SMARCA2: variants seen among roughly 807,000 people sequenced by gnomAD.
SMARCA2 encodes the protein SWI/SNF related BAF chromatin remodeling complex subunit ATPase 2.
Under a neutral mutation model 199.8 loss-of-function variants are expected in SMARCA2, and 61 were observed. The observed-to-expected ratio is 0.31, with a 90% CI of 0.25 to 0.38. The LOEUF (loss-of-function observed/expected upper bound fraction) is 0.38. SMARCA2 is among the 10% of genes least tolerant of loss of function. The probability of loss-of-function intolerance (pLI) is 1.00; values close to 1 mark genes in which losing one functional copy is unlikely to be tolerated. For missense variants in SMARCA2, 1,344 were observed against 2,012.2 expected, an observed-to-expected ratio of 0.67 and a Z score of 6.35; for synonymous variants, 935 against 732.0, an observed-to-expected ratio of 1.28 and a Z score of -4.48.
chr9:2,127,196 G>A (rs898211394), intron 27 of SMARCA2, among the ~76,000 whole-genome samples: 4 of 152,070 alleles, frequency 2.6e-5, no homozygotes, highest in African/African-American at 9.7e-5. Flanking sequence ...CAGTTTCCTA[G>A]TATTCTCGGT....
At chr9:2,122,077 T>C (rs899402608) in intron 26 of SMARCA2, among the ~76,000 whole-genome samples, 4 of 152,232 alleles carry the variant, frequency 2.6e-5, no homozygotes, top group Admixed American at 2.0e-4. Flanking sequence ...ATTAAGACTT[T>C]AAGCTTATCT....
intron 31 of SMARCA2, among the ~76,000 whole-genome samples, chr9:2,184,258 G>T (rs7042986): frequency 0.68 from 104,017 of 151,882 alleles, 35,826 homozygotes; most frequent in Admixed American, 0.74. Context: ...AAGATCATTC[G>T]AGACTCACAT....
chr9:2,136,540 C>T (rs1175143116), intron 27 of SMARCA2, among the ~76,000 whole-genome samples: 1 of 152,168 alleles, frequency 6.6e-6, no homozygotes, highest in East Asian at 1.9e-4. Flanking sequence ...TTTATGGAGA[C>T]TGTTGAAAAG....
At chr9:2,066,756 C>T (rs888117491) in intron 9 of SMARCA2, among the ~76,000 whole-genome samples, 2 of 152,192 alleles carry the variant, frequency 1.3e-5, no homozygotes, top group South Asian at 2.1e-4. Flanking sequence ...TGCAATTAAA[C>T]GATGCAGATA....
intron 29 of SMARCA2, among the ~76,000 whole-genome samples, chr9:2,179,342 C>G (rs539031547): frequency 1.3e-4 from 20 of 152,192 alleles, no homozygotes; most frequent in Middle Eastern, 3.2e-3. Flanking sequence ...CCATAGATAA[C>G]TTCCAGGTCC....
rs1335499314 is a variant in SMARCA2 at position 2,110,159 on chromosome 9, G to A, written c.3293-95G>A. The A allele has an allele frequency of 1.1e-6, 1 of 924,632 alleles. No individual in the cohort carries two copies. The highest frequency in any genetic ancestry group is 1.6e-6 in the Non-Finnish European group (1 of 613,868). 57.3% of individuals were successfully genotyped at this position (924,632 alleles called of 1,614,324 possible). A position where few individuals can be genotyped will look rare whatever the true frequency, so the allele number is the denominator to read the frequency against. On this transcript the variant is annotated intron_variant, in intron 23 of 33. Transcript: ENST00000349721. This position sits in a 1 kb window ranked among gnomAD's most constrained non-coding sequence, Gnocchi z 4.8. Reference sequence around the variant, plus strand: ...CCTCACCAGTGTTAGGAGGAGTCTGGGTATATTTCTTGAAGGAAGCAAGCC... The same window carrying A: ...CCTCACCAGTGTTAGGAGGAGTCTGAGTATATTTCTTGAAGGAAGCAAGCC...
intron 27 of SMARCA2, among the ~76,000 whole-genome samples, chr9:2,132,365 C>T (rs372298632): frequency 6.6e-6 from 1 of 152,176 alleles, no homozygotes; most frequent in East Asian, 1.9e-4. Flanking sequence ...GCTTGAATCA[C>T]TCAGCTCTGT....
chr9:2,057,614 G>T (rs989545074), intron 7 of SMARCA2, among the ~76,000 whole-genome samples: 7 of 152,140 alleles, frequency 4.6e-5, no homozygotes, highest in African/African-American at 1.7e-4. Flanking sequence ...TCTCTGAAGG[G>T]CCTAGTTGAA....
At chr9:2,187,877 G>T (rs1827590300) in intron 32 of SMARCA2, among the ~76,000 whole-genome samples, 1 of 151,996 alleles carries the variant, frequency 6.6e-6, no homozygotes, top group Admixed American at 6.6e-5. Context: ...TCACCAGTTT[G>T]AGACAAGCCT....
intron 28 of SMARCA2, among the ~76,000 whole-genome samples, chr9:2,166,253 C>T (rs368175565): frequency 3.0e-4 from 46 of 152,216 alleles, no homozygotes; most frequent in African/African-American, 7.0e-4. Flanking sequence ...TAAAACATGG[C>T]GCCCAGAACT....
chr9:2,100,635 G>A (rs1479305956), intron 21 of SMARCA2, among the ~76,000 whole-genome samples: 1 of 151,864 alleles, frequency 6.6e-6, no homozygotes, highest in Non-Finnish European at 1.5e-5. Flanking sequence ...CTGGGAGGCA[G>A]AGGTTTGCAA....
At chr9:2,158,698 TCAGTTGAGC>T in intron 27 of SMARCA2, 1 of 378,034 alleles carries the variant, frequency 2.6e-6, no homozygotes, top group Non-Finnish European at 4.7e-6. Context: ...TGAGTTTGAG[TCAGTTGAGC>T]CAGTTTAGTA....
intron 29 of SMARCA2, among the ~76,000 whole-genome samples, chr9:2,178,664 A>AGAAAT (rs772786641): frequency 6.6e-6 from 1 of 152,190 alleles, no homozygotes; most frequent in Non-Finnish European, 1.5e-5. Context: ...AATTAGAGAA[A>AGAAAT]GAAATGACAA....
chr9:2,070,138 C>T (rs1821027941), intron 9 of SMARCA2, among the ~76,000 whole-genome samples: 1 of 152,204 alleles, frequency 6.6e-6, no homozygotes, highest in African/African-American at 2.4e-5. Flanking sequence ...CTTGATACTG[C>T]CCTGTCTTAA....
intron 27 of SMARCA2, among the ~76,000 whole-genome samples, chr9:2,147,697 T>C (rs113884167): frequency 0.064 from 9,238 of 144,650 alleles, 614 homozygotes; most frequent in Non-Finnish European, 0.095. Flanking sequence ...AATACGAAAA[T>C]TAGCGGGGCG....
Position 2,039,707 on chromosome 9 carries a change from C to T in SMARCA2, c.597C>T (p.Pro199=), listed in dbSNP as rs747247552. 59 of 1,613,854 alleles carry T rather than the reference C, an allele frequency of 3.7e-5. No homozygotes were observed. The highest frequency in any genetic ancestry group is 1.8e-4 in the South Asian group (16 of 91,078). ...TGCTGGCCCGAGGCCAGCCCCTCCC[C>T]GAAACGCTGCAGCTTGCAGTCCAGG... ...YKMLARGQPL[P]ETLQLAVQGK... Residue 199 remains proline, a synonymous_variant, in exon 4 of 34, where the codon CCC becomes CCT. Coordinates refer to ENST00000349721, the MANE Select transcript of SMARCA2 (RefSeq NM_003070.5). This position sits in a 1 kb window ranked among gnomAD's most constrained non-coding sequence, Gnocchi z 4.8.
chr9:2,091,654 C>A (rs1335450201), intron 19 of SMARCA2, among the ~76,000 whole-genome samples: 1 of 152,174 alleles, frequency 6.6e-6, no homozygotes, highest in Non-Finnish European at 1.5e-5. Flanking sequence ...TCAGTGTATA[C>A]ATAGATTTGT....
intron 27 of SMARCA2, among the ~76,000 whole-genome samples, chr9:2,146,971 C>A (rs1256257412): frequency 6.6e-6 from 1 of 152,178 alleles, no homozygotes; most frequent in African/African-American, 2.4e-5. Flanking sequence ...AATGCCTTAA[C>A]TGTCTGAGAA....
chr9:2,172,509 C>A (rs907560989), intron 29 of SMARCA2, among the ~76,000 whole-genome samples: 1 of 151,964 alleles, frequency 6.6e-6, no homozygotes, highest in Non-Finnish European at 1.5e-5. Context: ...AAGCAGTCCC[C>A]CTCTAGAGAC....
Sources: gnomAD v4.1 joint callset for allele counts (sites outside exome capture counted in the v4.1 genomes callset) on GRCh38, gnomAD v4.1.1 for gene constraint, Gnocchi (gnomAD v3.1) non-coding constraint, MANE v1.5 for transcripts, NCBI Gene and HGNC (gene_info 2026-07-23, HGNC 2026-07-21) for gene names.